SYCP1: variants seen among roughly 807,000 people sequenced by gnomAD.
SYCP1 encodes the protein synaptonemal complex protein 1, also known as cancer/testis antigen 8.
In SYCP1, 64 loss-of-function variants were observed where a neutral mutation model predicts 153.1. The observed-to-expected ratio is 0.42, with a 90% CI of 0.34 to 0.51. SYCP1 has a LOEUF of 0.51. SYCP1 is among the 20% of genes least tolerant of loss of function. SYCP1 has a pLI of 0.06. For synonymous variants in SYCP1, 384 were observed against 341.8 expected (o/e 1.12, Z -1.36); for missense variants, 997 against 1,049.0 (o/e 0.95, Z 0.68).
chr1:114,974,774 A>T (rs1329560190), intron 27 of SYCP1, among the ~76,000 whole-genome samples: 1 of 151,810 alleles, frequency 6.6e-6, no homozygotes, highest in Non-Finnish European at 1.5e-5. Flanking sequence ...TGCTATTGTG[A>T]ATAATGCTGT....
rs1664168435 is a variant in SYCP1, at chr1:114,858,580, C to A, written c.325C>A (p.Leu109Met). Residue 109 changes from leucine (L) to methionine (M), a missense_variant, in exon 6 of 32, where the codon CTG (leucine) becomes ATG (methionine). Leu to Met is a conservative substitution (Grantham distance 15, BLOSUM62 2). This residue lies in a region of SYCP1 where 285 missense variants were observed against 366.1 expected (regional missense o/e 0.78). Transcript: ENST00000369522. ...SEGLSRVYSKLYKEAEKIKKW... is the reference protein window; with the variant it reads ...SEGLSRVYSKMYKEAEKIKKW... ...GGGATTGAGCAGAGTGTATTCAAAA[C>A]TGTATAAGGAGGCTGAAAAGATAAA... is the stretch of plus-strand genomic sequence containing the variant. 1 of 1,608,708 alleles carries A rather than the reference C, an allele frequency of 6.2e-7. No homozygotes were observed. Among genetic ancestry groups the A allele is most frequent in the Non-Finnish European group, 8.5e-7 (1 of 1,177,274 alleles).
chr1:114,967,022 GCA>G (rs1672172807), intron 27 of SYCP1, among the ~76,000 whole-genome samples: 1 of 152,068 alleles, frequency 6.6e-6, no homozygotes, highest in South Asian at 2.1e-4. Context: ...TAATTTCCTT[GCA>G]CTGTGGTCTG....
chr1:114,871,619 C>T (rs1665133050), intron 8 of SYCP1, among the ~76,000 whole-genome samples: 1 of 151,924 alleles, frequency 6.6e-6, no homozygotes, highest in Non-Finnish European at 1.5e-5. Flanking sequence ...GTTGCCCAGG[C>T]TGGAGTGCAG....
intron 27 of SYCP1, among the ~76,000 whole-genome samples, chr1:114,974,550 C>T (rs1672692346): frequency 6.6e-6 from 1 of 151,720 alleles, no homozygotes; most frequent in East Asian, 1.9e-4. Flanking sequence ...CATCCTGTTT[C>T]TGATTTTGAA....
rs748177163 is a variant in SYCP1 at position 114,858,443 on chromosome 1, A to G, written c.292-104A>G. The G allele has an allele frequency of 1.9e-5, 17 of 880,168 alleles. No individual in the cohort carries two copies. In the South Asian group the frequency reaches 4.3e-4, roughly 22 times the overall value. The allele number at this position is 880,168 out of a possible 1,614,324, so 54.5% of individuals were successfully genotyped here. On this transcript the variant is annotated intron_variant, in intron 5 of 31. Coordinates refer to ENST00000369522, the MANE Select transcript of SYCP1 (RefSeq NM_003176.4). Reference sequence around the variant, plus strand: ...TGCTATTAGTGCTTAAATTGAGGAGATATTTGGTCTCAACTATTAGTATAT... The same window carrying G: ...TGCTATTAGTGCTTAAATTGAGGAGGTATTTGGTCTCAACTATTAGTATAT...
At chr1:114,863,951 A>C (rs1263874697) in intron 8 of SYCP1, among the ~76,000 whole-genome samples, 1 of 145,834 alleles carries the variant, frequency 6.9e-6, no homozygotes, top group Non-Finnish European at 1.5e-5. Context: ...GGAGGGGAAC[A>C]TCACACACCC....
At chr1:114,951,405 T>C (rs1465554749) in intron 27 of SYCP1, among the ~76,000 whole-genome samples, 1 of 152,186 alleles carries the variant, frequency 6.6e-6, no homozygotes, top group African/African-American at 2.4e-5. Flanking sequence ...TTTGAATTTA[T>C]CGGAAAAAAT....
intron 16 of SYCP1, 77 bp downstream of exon 16, chr1:114,895,586 C>A: frequency 1.4e-6 from 1 of 717,262 alleles, no homozygotes; most frequent in Non-Finnish European, 2.1e-6. Context: ...TATAGACTCT[C>A]ACACTATAGA....
chr1:114,875,618 G>C (rs1665473289), intron 9 of SYCP1, among the ~76,000 whole-genome samples: 1 of 152,068 alleles, frequency 6.6e-6, no homozygotes, highest in African/African-American at 2.4e-5. Flanking sequence ...TAGGCACTCA[G>C]TAATTAATTA....
At chr1:114,890,241 C>T (rs1666607594) in intron 15 of SYCP1, among the ~76,000 whole-genome samples, 1 of 151,530 alleles carries the variant, frequency 6.6e-6, no homozygotes, top group African/African-American at 2.4e-5. Flanking sequence ...TAATGGTGTC[C>T]AAAATGAAGG....
intron 27 of SYCP1, among the ~76,000 whole-genome samples, chr1:114,967,898 A>AT (rs1259783858): frequency 2.6e-5 from 4 of 152,032 alleles, no homozygotes; most frequent in African/African-American, 9.7e-5. Context: ...ATCCCTTAGC[A>AT]TTGCTTGTCT....
intron 27 of SYCP1, among the ~76,000 whole-genome samples, chr1:114,970,007 G>T (rs1672377751): frequency 1.3e-5 from 2 of 152,174 alleles, no homozygotes; most frequent in South Asian, 4.2e-4. Flanking sequence ...GAGATGAACT[G>T]GGTATCTCAG....
chr1:114,926,693 G>T, intron 23 of SYCP1, 130 bp downstream of exon 23: 1 of 751,250 alleles, frequency 1.3e-6, no homozygotes, highest in Non-Finnish European at 2.0e-6. Context: ...AAGTTGAAAG[G>T]TTGTTATCTT....
chr1:114,892,694 CGCACGCACGGGAAGATGT>C (rs1557776930), intron 15 of SYCP1, among the ~76,000 whole-genome samples: 1 of 152,048 alleles, frequency 6.6e-6, no homozygotes, highest in African/African-American at 2.4e-5. Context: ...CTTTTCCTGG[CGCACGCACGGGAAGATGT>C]GCTGCAGTCC....
intron 23 of SYCP1, among the ~76,000 whole-genome samples, chr1:114,931,697 T>C (rs1425268440): frequency 6.6e-6 from 1 of 152,162 alleles, no homozygotes; most frequent in East Asian, 1.9e-4. Context: ...ATTCCAGCAG[T>C]ATTTTTTAGT....
At chr1:114,934,743 G>C (rs901106313) in intron 23 of SYCP1, among the ~76,000 whole-genome samples, 5 of 151,898 alleles carry the variant, frequency 3.3e-5, no homozygotes, top group African/African-American at 1.2e-4. Flanking sequence ...ACAAAAAAAA[G>C]CAGGGGTTGC....
intron 28 of SYCP1, among the ~76,000 whole-genome samples, chr1:114,978,691 A>G (rs1392195070): frequency 6.6e-6 from 1 of 151,698 alleles, no homozygotes. Flanking sequence ...GTAGTTTGAG[A>G]ACAGTTCATT....
At chr1:114,915,270 A>T (rs1318910162) in intron 20 of SYCP1, among the ~76,000 whole-genome samples, 3 of 152,190 alleles carry the variant, frequency 2.0e-5, no homozygotes, top group Non-Finnish European at 4.4e-5. Context: ...AGCCATCACT[A>T]CAAAGTTTTC....
intron 1 of SYCP1, 75 bp from the exon 2 acceptor site, chr1:114,855,366 A>G (rs1222786164): frequency 2.6e-6 from 2 of 768,674 alleles, no homozygotes; most frequent in Non-Finnish European, 4.1e-6. Context: ...ACATCACTTT[A>G]AAGAATACAT....
Sources: allele counts gnomAD v4.1 joint callset (sites outside exome capture counted in the v4.1 genomes callset), GRCh38; gene constraint gnomAD v4.1.1; regional missense constraint gnomAD v4.1.1; transcripts MANE v1.5; gene names NCBI Gene and HGNC (gene_info 2026-07-23, HGNC 2026-07-21).